NF2: variants seen among roughly 807,000 people sequenced by gnomAD.
NF2 encodes the protein merlin.
NF2 carries 8 observed loss-of-function variants against 83.7 expected under a neutral mutation model. That is an observed-to-expected ratio of 0.10 (90% CI 0.06 to 0.17). The LOEUF (loss-of-function observed/expected upper bound fraction) is 0.17, where lower values mean the gene tolerates loss of function less well. Ranked by LOEUF, NF2 falls within the 10% of genes least tolerant of loss-of-function variation. NF2 has a pLI of 1.00. For synonymous variants in NF2, 266 were observed against 269.6 expected, an observed-to-expected ratio of 0.99 and a Z score of 0.13; for missense variants, 533 against 744.4, an observed-to-expected ratio of 0.72 and a Z score of 3.31.
rs539913134 is a variant in NF2 at position 29,684,690 on chromosome 22, G to A, written c.1737+3089G>A. Among the ~76,000 whole-genome samples the A allele has an allele frequency of 7.2e-5, 11 of 152,256 alleles. No individual in the cohort carries two copies. In the South Asian group the frequency reaches 1.2e-3, roughly 17 times the overall value. On this transcript the variant is annotated intron_variant, in intron 15 of 15. Transcript: ENST00000338641. ...ACTTGTTTTTAAAGCAGGCTACCAGGCAGTTAATCAAACACTCGGGTTAAT... is the reference window on the plus strand; with the variant it reads ...ACTTGTTTTTAAAGCAGGCTACCAGACAGTTAATCAAACACTCGGGTTAAT...
chr22:29,693,890 C>T (rs756639011), intron 15 of NF2, among the ~76,000 whole-genome samples: 1 of 152,198 alleles, frequency 6.6e-6, no homozygotes, highest in Non-Finnish European at 1.5e-5. Flanking sequence ...CACAGTCACA[C>T]CCAAGGCATT....
In NF2 at chr22:29,685,547, A is replaced by G. The variant is rs374813529; in HGVS notation, c.1737+3946A>G. 4.5e-4 allele frequency among the ~76,000 whole-genome samples: 69 copies of G among 151,882 alleles called. 1 individual carries two copies. The highest frequency in any genetic ancestry group is 1.6e-3 in the African/African-American group (66 of 41,386). On this transcript the variant is annotated intron_variant, in intron 15 of 15. Transcript: ENST00000338641. ...GTCAGCCTCCCAAGTAGCTGGGACTACAGGCATTTGCCACCATGCCTGACT... is the reference window on the plus strand; with the variant it reads ...GTCAGCCTCCCAAGTAGCTGGGACTGCAGGCATTTGCCACCATGCCTGACT...
At chr22:29,677,347 A>C (rs2066994948) in intron 13 of NF2, among the ~76,000 whole-genome samples, 1 of 152,054 alleles carries the variant, frequency 6.6e-6, no homozygotes, top group Non-Finnish European at 1.5e-5. Context: ...TAGGGAGGAG[A>C]AATGGGATAG....
At chr22:29,605,990 T>C (rs1000839430) in intron 1 of NF2, among the ~76,000 whole-genome samples, 2 of 152,210 alleles carry the variant, frequency 1.3e-5, no homozygotes, top group Non-Finnish European at 2.9e-5. Context: ...GTTTTGCTCT[T>C]GTTGCTCAAA....
At position 29,673,406 on chromosome 22, in the gene NF2, G is replaced by A. The variant is rs1193211910; in HGVS notation, c.1260G>A (p.Glu420=). ...TCAAGGCCACAGCGATTCGCACGGA[G>A]GAGGAGAAGCGCCTGATGGAGCAGA... is the stretch of plus-strand genomic sequence containing the variant. ...QRIKATAIRT[E]EEKRLMEQKV... The change falls in exon 12 of 16, where the codon GAG becomes GAA. Residue 420 remains glutamate, a synonymous_variant. Coordinates refer to ENST00000338641, the MANE Select transcript of NF2 (RefSeq NM_000268.4). 6.2e-7 allele frequency: 1 copy of A among 1,612,656 alleles called. No homozygotes were observed. Among genetic ancestry groups the A allele is most frequent in the South Asian group, 1.1e-5 (1 of 90,378 alleles).
intron 1 of NF2, among the ~76,000 whole-genome samples, chr22:29,619,137 T>A (rs1192279034): frequency 6.6e-6 from 1 of 152,058 alleles, no homozygotes; most frequent in East Asian, 1.9e-4. Context: ...CTCTGCCTCC[T>A]GGGTTCAAGT....
intron 4 of NF2, among the ~76,000 whole-genome samples, chr22:29,650,675 T>G (rs1433817319): frequency 1.3e-5 from 2 of 151,950 alleles, no homozygotes; most frequent in East Asian, 1.9e-4. Flanking sequence ...TTTCTTTTCT[T>G]TCTTCCTTTC....
intron 3 of NF2, among the ~76,000 whole-genome samples, chr22:29,641,486 C>T (rs896176220): frequency 5.3e-5 from 8 of 152,148 alleles, no homozygotes; most frequent in Admixed American, 3.3e-4. Flanking sequence ...TTTATGAATC[C>T]GGTGACTGTT....
intron 1 of NF2, among the ~76,000 whole-genome samples, chr22:29,617,397 T>C (rs1169874303): frequency 6.6e-6 from 1 of 152,184 alleles, no homozygotes; most frequent in Non-Finnish European, 1.5e-5. Context: ...TTCTTTGTTG[T>C]GGGGAGCTGT....
chr22:29,690,964 G>A (rs1046421010), intron 15 of NF2, among the ~76,000 whole-genome samples: 1 of 152,166 alleles, frequency 6.6e-6, no homozygotes, highest in Non-Finnish European at 1.5e-5. Flanking sequence ...CATGACAGAC[G>A]TCACTGGTCA....
chr22:29,610,823 C>T (rs1275186660), intron 1 of NF2, among the ~76,000 whole-genome samples: 1 of 152,058 alleles, frequency 6.6e-6, no homozygotes, highest in Non-Finnish European at 1.5e-5. Context: ...TTTTATGAGA[C>T]TGGTATTACC....
chr22:29,609,190 A>T, intron 1 of NF2: 2 of 741,772 alleles, frequency 2.7e-6, no homozygotes, highest in Admixed American at 1.7e-5. Context: ...CAGGAACCTC[A>T]GTTCAGTATT....
At chr22:29,628,364 C>G (rs118033470) in intron 1 of NF2, among the ~76,000 whole-genome samples, 1 of 151,984 alleles carries the variant, frequency 6.6e-6, no homozygotes, top group Non-Finnish European at 1.5e-5. Context: ...GGTCTAGTTA[C>G]AAATAAATGG....
chr22:29,668,507 C>T (rs1223876371), intron 10 of NF2, 61 bp downstream of exon 10: 84 of 1,311,794 alleles, frequency 6.4e-5, no homozygotes, highest in South Asian at 2.3e-4. Flanking sequence ...GCCTGGGAGG[C>T]GAGGAGTGGT....
chr22:29,681,525 G>C lies in NF2; in HGVS notation c.1661G>C (p.Arg554Thr). 6.2e-7 allele frequency: 1 copy of C among 1,614,198 alleles called. No individual in the cohort carries two copies. Among genetic ancestry groups the C allele is most frequent in the Non-Finnish European group, 8.5e-7 (1 of 1,180,036 alleles). Residue 554 changes from arginine (R) to threonine (T), a missense_variant, in exon 15 of 16, where the codon AGG becomes ACG. By Grantham distance (71) the Arg-to-Thr change is moderately conservative. Coordinates refer to ENST00000338641, the MANE Select transcript of NF2 (RefSeq NM_000268.4). Reference protein sequence around the residue: ...TEIEALKLKERETALDILHNE... With the variant: ...TEIEALKLKETETALDILHNE... ...ATCGAGGCCTTGAAACTGAAAGAGA[G>C]GGAGACAGCTCTGGATATTCTGCAC...
At chr22:29,605,624 T>A (rs895812884) in intron 1 of NF2, among the ~76,000 whole-genome samples, 4 of 152,094 alleles carry the variant, frequency 2.6e-5, no homozygotes, top group Non-Finnish European at 5.9e-5. Flanking sequence ...ATTCTTTTTT[T>A]AAAATCAACT....
At chr22:29,660,864 G>A (rs1018670059) in intron 7 of NF2, among the ~76,000 whole-genome samples, 2 of 152,186 alleles carry the variant, frequency 1.3e-5, no homozygotes, top group Admixed American at 6.5e-5. Context: ...ACTGCTCCCC[G>A]CCTAAACCTA....
chr22:29,606,862 A>G (rs1243080942), intron 1 of NF2, among the ~76,000 whole-genome samples: 3 of 152,160 alleles, frequency 2.0e-5, no homozygotes, highest in Non-Finnish European at 4.4e-5. Flanking sequence ...CTTGACCAAT[A>G]TGGTGAACCC....
chr22:29,625,162 C>T (rs928104325), intron 1 of NF2, among the ~76,000 whole-genome samples: 4 of 152,036 alleles, frequency 2.6e-5, no homozygotes, highest in South Asian at 2.1e-4. Context: ...CTCTTGACCT[C>T]GTGATCCACG....
Sources: gnomAD v4.1 joint callset for allele counts (sites outside exome capture counted in the v4.1 genomes callset) on GRCh38, gnomAD v4.1.1 for gene constraint, MANE v1.5 for transcripts, NCBI Gene and HGNC (gene_info 2026-07-23, HGNC 2026-07-21) for gene names.